Variants in BLTP2 observed in about 807,000 individuals in gnomAD.
BLTP2 encodes the protein bridge-like lipid transfer protein family member 2.
the BLTP2 span, chr17:28,628,361 T>C: frequency 2.5e-6 from 4 of 1,614,220 alleles, no homozygotes; most frequent in Non-Finnish European, 2.5e-6. Flanking sequence ...TTTGGCTTTT[T>C]GGCTGGCATC....
At chr17:28,640,449 A>T in the BLTP2 span, 1 of 1,125,202 alleles carries the variant, frequency 8.9e-7, no homozygotes, top group Non-Finnish European at 1.3e-6. Context: ...AACCATTTCT[A>T]CTTCCTTTCT....
At chr17:28,635,893 T>C in the BLTP2 span, 1 of 349,786 alleles carries the variant, frequency 2.9e-6, no homozygotes, top group African/African-American at 2.1e-5. Context: ...AATTCTTTGG[T>C]ATCTACCATA....
At chr17:28,625,762 A>G in the BLTP2 span, among the ~76,000 whole-genome samples, 1 of 151,914 alleles carries the variant, frequency 6.6e-6, no homozygotes, top group African/African-American at 2.4e-5. Context: ...TCTAGCCCTC[A>G]ATGCTTTTTT....
At chr17:28,631,664 G>A in the BLTP2 span, 14 of 1,613,966 alleles carry the variant, frequency 8.7e-6, no homozygotes, top group East Asian at 4.5e-5. Context: ...GAGATAAGGC[G>A]CCGCATCACT....
At chr17:28,616,479 A>G in the BLTP2 span, 4 of 1,614,176 alleles carry the variant, frequency 2.5e-6, no homozygotes, top group Admixed American at 1.7e-5. This position sits in a 1 kb window ranked among gnomAD's most constrained non-coding sequence, Gnocchi z 4.8. Flanking sequence ...ATCTGTTGCA[A>G]TCAGCTGCCG....
chr17:28,639,201 G>T, the BLTP2 span: 1 of 1,027,392 alleles, frequency 9.7e-7, no homozygotes, highest in Non-Finnish European at 1.5e-6. Flanking sequence ...TTGAGACTCG[G>T]ATTTGAGGAG....
the BLTP2 span, chr17:28,635,060 C>T: frequency 3.7e-6 from 6 of 1,613,540 alleles, no homozygotes; most frequent in Non-Finnish European, 5.1e-6. Flanking sequence ...TTCTGAACTC[C>T]CACAGCCTCA....
the BLTP2 span, chr17:28,639,241 G>A: frequency 1.4e-6 from 2 of 1,477,110 alleles, no homozygotes; most frequent in Non-Finnish European, 1.9e-6. Flanking sequence ...ATTTAACACA[G>A]GATGCCAATT....
At chr17:28,620,885 A>T in the BLTP2 span, 1 of 1,121,414 alleles carries the variant, frequency 8.9e-7, no homozygotes, top group Non-Finnish European at 1.3e-6. Flanking sequence ...ATGCCAGTGC[A>T]CAGTGGATTT....
At chr17:28,635,671 A>C in the BLTP2 span, 1 of 1,521,360 alleles carries the variant, frequency 6.6e-7, no homozygotes, top group South Asian at 1.3e-5. Context: ...AGAGATGGCA[A>C]GGATTATGAC....
chr17:28,625,334 C>CAAAAAAAAAAAAAAAAAAAAAAAA, the BLTP2 span, among the ~76,000 whole-genome samples: 1 of 29,060 alleles, frequency 3.4e-5, no homozygotes, highest in South Asian at 1.9e-3. Flanking sequence ...GACTCCGTCT[C>CAAAAAAAAAAAAAAAAAAAAAAAA]AAAAAAAAAA....
At chr17:28,643,336 C>A in the BLTP2 span, 1 of 1,613,066 alleles carries the variant, frequency 6.2e-7, no homozygotes. Flanking sequence ...AATCTCACTG[C>A]CACCAGGTCC....
the BLTP2 span, chr17:28,639,800 A>G: frequency 6.8e-7 from 1 of 1,481,460 alleles, no homozygotes; most frequent in Non-Finnish European, 9.4e-7. Context: ...TCCACTCCCC[A>G]GTTACACTGA....
chr17:28,642,839 C>T, the BLTP2 span: 21 of 1,260,560 alleles, frequency 1.7e-5, no homozygotes, highest in Non-Finnish European at 2.1e-5. Context: ...AAGAATAGGA[C>T]GGCTAGATCC....
chr17:28,632,020 A>G, the BLTP2 span: 3 of 1,608,562 alleles, frequency 1.9e-6, no homozygotes, highest in Admixed American at 5.0e-5. Flanking sequence ...AATAAAGTGA[A>G]GATGTCAGCA....
chr17:28,636,035 G>A, the BLTP2 span: 1 of 158,866 alleles, frequency 6.3e-6, no homozygotes, highest in Non-Finnish European at 1.4e-5. Flanking sequence ...GGTTTCATGA[G>A]TTGATTGCAT....
At chr17:28,614,831 T>C in the BLTP2 span, 2 of 422,168 alleles carry the variant, frequency 4.7e-6, no homozygotes, top group Non-Finnish European at 8.4e-6. Context: ...GCCCATTCCC[T>C]GGGTCTTGCT....
At chr17:28,620,162 T>C in the BLTP2 span, 1 of 735,816 alleles carries the variant, frequency 1.4e-6, no homozygotes, top group East Asian at 2.7e-5. Context: ...CAGTAGTAGG[T>C]CAATGCAGAA....
At chr17:28,630,374 TC>T in the BLTP2 span, among the ~76,000 whole-genome samples, 3 of 151,554 alleles carry the variant, frequency 2.0e-5, no homozygotes, top group Non-Finnish European at 4.4e-5. Flanking sequence ...CCCAGACTGG[TC>T]TCAAACTCCT....
Sources: allele counts gnomAD v4.1 joint callset (sites outside exome capture counted in the v4.1 genomes callset), GRCh38; gene constraint gnomAD v4.1.1; non-coding constraint Gnocchi (gnomAD v3.1); transcripts MANE v1.5; gene names NCBI Gene and HGNC (gene_info 2026-07-23, HGNC 2026-07-21).